NLGN1: variants seen among roughly 807,000 people sequenced by gnomAD.
NLGN1 encodes neuroligin 1.
NLGN1 carries 12 observed loss-of-function variants against 65.5 expected under a neutral mutation model. That is an observed-to-expected ratio of 0.18 (90% CI 0.12 to 0.30). The LOEUF (loss-of-function observed/expected upper bound fraction) is 0.30, where lower values mean the gene tolerates loss of function less well. Ranked by LOEUF, NLGN1 falls within the 10% of genes least tolerant of loss-of-function variation. The pLI is 1.00. For synonymous variants in NLGN1, 350 were observed against 359.5 expected, an observed-to-expected ratio of 0.97 and a Z score of 0.30; for missense variants, 750 against 1,007.1, an observed-to-expected ratio of 0.74 and a Z score of 3.46.
chr3:173,814,800 A>C (rs974944971), intron 4 of NLGN1, among the ~76,000 whole-genome samples: 1 of 152,208 alleles, frequency 6.6e-6, no homozygotes. Context: ...GGGAAGGTAG[A>C]AAATAAATAA....
intron 4 of NLGN1, among the ~76,000 whole-genome samples, chr3:173,957,720 C>G (rs1439069168): frequency 6.6e-6 from 1 of 152,146 alleles, no homozygotes; most frequent in South Asian, 2.1e-4. Context: ...TCCTATGGTC[C>G]TGAATGTAGA....
chr3:173,995,167 A>G (rs1165578415), intron 4 of NLGN1, among the ~76,000 whole-genome samples: 1 of 152,188 alleles, frequency 6.6e-6, no homozygotes, highest in African/African-American at 2.4e-5. Context: ...GAAACGTTTT[A>G]TCCAGAGATT....
chr3:173,422,567 T>G (rs1239641855), intron 1 of NLGN1, among the ~76,000 whole-genome samples: 1 of 152,208 alleles, frequency 6.6e-6, no homozygotes, highest in Non-Finnish European at 1.5e-5. Context: ...CTATAATGGC[T>G]GTACTAATTT....
intron 3 of NLGN1, among the ~76,000 whole-genome samples, chr3:173,636,452 G>T (rs540829272): frequency 3.7e-4 from 56 of 152,228 alleles, no homozygotes; most frequent in African/African-American, 1.3e-3. Context: ...GTCATAGTTT[G>T]TTGATGACAT....
intron 4 of NLGN1, among the ~76,000 whole-genome samples, chr3:173,965,022 A>G (rs906834545): frequency 3.9e-5 from 6 of 152,096 alleles, no homozygotes; most frequent in African/African-American, 1.4e-4. Flanking sequence ...TGAAATTTTG[A>G]TTTATATTTC....
chr3:173,700,259 C>G (rs1192189593), intron 3 of NLGN1, among the ~76,000 whole-genome samples: 3 of 152,076 alleles, frequency 2.0e-5, no homozygotes, highest in Non-Finnish European at 4.4e-5. Flanking sequence ...CTTTTTATAC[C>G]ATTCTGTTTC....
chr3:173,953,538 C>CTTATTTATTTAT (rs200683528), intron 4 of NLGN1, among the ~76,000 whole-genome samples: 10 of 151,952 alleles, frequency 6.6e-5, no homozygotes, highest in African/African-American at 1.9e-4. Flanking sequence ...TATTTATATA[C>CTTATTTATTTAT]TTACTTACTT....
chr3:174,087,380 TG>T (rs1167686655), intron 4 of NLGN1, among the ~76,000 whole-genome samples: 1 of 152,210 alleles, frequency 6.6e-6, no homozygotes, highest in African/African-American at 2.4e-5. Flanking sequence ...TTAACTTTTC[TG>T]GAGTAGTTAA....
At chr3:174,168,293 G>A (rs544412450) in intron 4 of NLGN1, among the ~76,000 whole-genome samples, 33 of 152,200 alleles carry the variant, frequency 2.2e-4, no homozygotes, top group African/African-American at 3.6e-4. Flanking sequence ...TAGATTTTTC[G>A]TGGTGACAGA....
chr3:173,487,191 C>T (rs1228640372), intron 2 of NLGN1, among the ~76,000 whole-genome samples: 1 of 151,968 alleles, frequency 6.6e-6, no homozygotes, highest in Admixed American at 6.6e-5. Context: ...AGATATATCC[C>T]ACAAAACATA....
chr3:173,814,981 TTTC>T (rs1237622688), intron 4 of NLGN1, among the ~76,000 whole-genome samples: 1 of 152,046 alleles, frequency 6.6e-6, no homozygotes, highest in African/African-American at 2.4e-5. Context: ...CATTTCTTTT[TTTC>T]TTTTCTTTTC....
At chr3:173,551,474 T>C (rs1740844286) in intron 2 of NLGN1, among the ~76,000 whole-genome samples, 1 of 152,218 alleles carries the variant, frequency 6.6e-6, no homozygotes, top group South Asian at 2.1e-4. Flanking sequence ...GTTTTTTAAA[T>C]ATTGTGTTTG....
chr3:173,700,879 A>G (rs940400516), intron 3 of NLGN1, among the ~76,000 whole-genome samples: 2 of 152,174 alleles, frequency 1.3e-5, no homozygotes, highest in African/African-American at 4.8e-5. Context: ...TAATCCCAGC[A>G]CTTTGGGAGG....
chr3:174,274,503 C>A (rs1042339794), intron 4 of NLGN1, among the ~76,000 whole-genome samples: 3 of 151,688 alleles, frequency 2.0e-5, no homozygotes, highest in Non-Finnish European at 2.9e-5. Flanking sequence ...CTTAAACTCT[C>A]TCCCCTACCT....
rs143107052 is a variant in NLGN1 at position 173,756,823 on chromosome 3, G to GA, written c.494-50848dup. Among the ~76,000 whole-genome samples the GA allele has an allele frequency of 1.4e-4, 21 of 145,748 alleles. No homozygotes were observed. In the East Asian group the frequency reaches 1.6e-3, roughly 11 times the overall value. On this transcript the variant is annotated intron_variant, in intron 3 of 6. Coordinates refer to ENST00000457714, the Ensembl canonical transcript of NLGN1. ...CTATATAAAACAAAAACCTACGGTA[G>GA]AAAAAAAAACAAATTTACATGAAGA...
At chr3:174,261,035 T>C (rs1746789963) in intron 4 of NLGN1, among the ~76,000 whole-genome samples, 1 of 152,180 alleles carries the variant, frequency 6.6e-6, no homozygotes, top group African/African-American at 2.4e-5. Flanking sequence ...TTCTGTTCCA[T>C]TGATCTATAT....
In NLGN1 at chr3:173,445,282, A is replaced by C. The variant is rs780677819; in HGVS notation, c.-321+10204A>C. On this transcript the variant is annotated intron_variant, in intron 2 of 6. Coordinates refer to ENST00000457714, the Ensembl canonical transcript of NLGN1. The stretch of plus-strand genomic sequence containing the variant: ...GACTCCGTCTCAAAAAAAAAAAAAA[A>C]AAAAAAAAAAAAACAAGGACTTGTG... Among the ~76,000 whole-genome samples, 807 of 149,474 alleles carry C rather than the reference A, an allele frequency of 5.4e-3. 5 individuals are homozygous for C. Among genetic ancestry groups the C allele is most frequent in the East Asian group, 0.01 (53 of 5,090 alleles).
rs529890566 is a variant in NLGN1 at position 174,117,339 on chromosome 3, G to A, written c.647-157976G>A. On this transcript the variant is annotated intron_variant, in intron 4 of 6. Transcript: ENST00000457714. ...CAAAGAAAAATCACTGGGATAGGCC[G>A]GGCGCGGTAGCTCACGCCTGTAATC... 5.1e-4 allele frequency among the ~76,000 whole-genome samples: 78 copies of A among 152,006 alleles called. No individual in the cohort carries two copies. The Middle Eastern group carries it at 0.024, about 47-fold the overall frequency.
chr3:173,512,066 A>C (rs1038917978), intron 2 of NLGN1, among the ~76,000 whole-genome samples: 1 of 152,166 alleles, frequency 6.6e-6, no homozygotes, highest in African/African-American at 2.4e-5. Flanking sequence ...AGTGAACTCC[A>C]GGCAGGCCCA....
Sources: gnomAD v4.1 joint callset for allele counts (sites outside exome capture counted in the v4.1 genomes callset) on GRCh38, gnomAD v4.1.1 for gene constraint, MANE v1.5 for transcripts, NCBI Gene and HGNC (gene_info 2026-07-23, HGNC 2026-07-21) for gene names.